LRP2: variants seen among roughly 807,000 people sequenced by gnomAD.
The protein encoded by LRP2 is low-density lipoprotein receptor-related protein 2.
A neutral mutation model predicts 531.0 loss-of-function variants in LRP2; 172 were observed. The ratio of observed to expected loss-of-function variants is 0.32; its 90% CI spans 0.29 to 0.37. LRP2 has a LOEUF of 0.37. Among genes scored for constraint, LRP2 ranks in the 10% least tolerant of loss-of-function variants. LRP2 has a pLI of 1.00. For missense variants in LRP2, 5,167 were observed against 5,868.3 expected, an observed-to-expected ratio of 0.88 and a Z score of 3.90; for synonymous variants, 1,992 against 2,027.6, an observed-to-expected ratio of 0.98 and a Z score of 0.47.
Position 169,271,090 on chromosome 2 carries a change from T to C in LRP2, c.2134A>G (p.Ile712Val). 2 of 1,612,574 alleles carry C rather than the reference T, an allele frequency of 1.2e-6. No individual in the cohort carries two copies. Among genetic ancestry groups the C allele is most frequent in the East Asian group, 2.2e-5 (1 of 44,790 alleles). ...CGAATAGCAACTTGGGATGAAAAAA[T>C]GAGGAAATTCTGAACAGCTGTAGGA... ...RHCIAVQNFLIFSSQVAIRGI... is the reference protein window; with the variant it reads ...RHCIAVQNFLVFSSQVAIRGI... Residue 712 changes from isoleucine to valine, a missense_variant, in exon 16 of 79, where the codon ATT (isoleucine) becomes GTT (valine). Physicochemically the swap from Ile to Val is conservative, Grantham distance 29. Coordinates refer to ENST00000649046, the MANE Select transcript of LRP2 (RefSeq NM_004525.3).
chr2:169,307,218 G>T, intron 4 of LRP2, 63 bp downstream of exon 4: 2 of 1,097,730 alleles, frequency 1.8e-6, no homozygotes, highest in South Asian at 1.2e-5. Context: ...CTAACAAATT[G>T]ATTAAAATGC....
intron 36 of LRP2, 76 bp from the exon 37 acceptor site, chr2:169,212,283 G>T: frequency 1.9e-6 from 3 of 1,573,298 alleles, no homozygotes; most frequent in Non-Finnish European, 2.6e-6. Flanking sequence ...CTTTAATTGG[G>T]TCACCAAATA....
intron 78 of LRP2, 44 bp from the exon 79 acceptor site, chr2:169,128,874 G>A: frequency 6.2e-7 from 1 of 1,607,782 alleles, no homozygotes; most frequent in Non-Finnish European, 8.5e-7. Flanking sequence ...ATTCCCCCAA[G>A]GTCACCATAC....
chr2:169,215,441 T>G (rs1300903175), intron 35 of LRP2, among the ~76,000 whole-genome samples: 1 of 152,164 alleles, frequency 6.6e-6, no homozygotes, highest in Admixed American at 6.5e-5. Flanking sequence ...TAGTTTCTGC[T>G]TCTTATTGTA....
intron 16 of LRP2, among the ~76,000 whole-genome samples, chr2:169,261,101 T>C (rs1384900944): frequency 6.6e-6 from 1 of 151,926 alleles, no homozygotes; most frequent in Non-Finnish European, 1.5e-5. Flanking sequence ...GATAGGAAAG[T>C]GCAAAACAAC....
At chr2:169,242,269 C>T (rs1689835135) in intron 24 of LRP2, among the ~76,000 whole-genome samples, 1 of 152,042 alleles carries the variant, frequency 6.6e-6, no homozygotes, top group East Asian at 1.9e-4. Flanking sequence ...CCATTTAAAA[C>T]AAAAAGTGGG....
At chr2:169,191,670 T>C (rs1327900979) in intron 48 of LRP2, among the ~76,000 whole-genome samples, 162 bp downstream of exon 48, 1 of 151,904 alleles carries the variant, frequency 6.6e-6, no homozygotes, top group East Asian at 1.9e-4. Flanking sequence ...ATGTAAAAGT[T>C]TTTTTTCCCT....
rs1366814828 is a variant in LRP2 at position 169,128,450 on chromosome 2, G to A, written c.*213C>T. 3.9e-6 allele frequency: 2 copies of A among 508,918 alleles called. No individual in the cohort carries two copies. The highest frequency in any genetic ancestry group is 7.0e-6 in the Non-Finnish European group (2 of 284,844). The allele number at this position is 508,918 out of a possible 1,614,324, so 31.5% of individuals were successfully genotyped here. A position where few individuals can be genotyped will look rare whatever the true frequency, so the allele number is the denominator to read the frequency against. On this transcript the variant is annotated 3_prime_UTR_variant, in exon 79 of 79. Coordinates refer to ENST00000649046, the MANE Select transcript of LRP2 (RefSeq NM_004525.3). ...AGTATTACCTTCAGACAACTTCAGTGCAAAGATATACATATAGTACATTGT... is the reference window on the plus strand; with the variant it reads ...AGTATTACCTTCAGACAACTTCAGTACAAAGATATACATATAGTACATTGT...
intron 57 of LRP2, among the ~76,000 whole-genome samples, chr2:169,172,466 T>C (rs1212167755): frequency 6.6e-6 from 1 of 152,240 alleles, no homozygotes; most frequent in East Asian, 1.9e-4. Context: ...CTTCAGTCAA[T>C]TGGACTCAGT....
intron 45 of LRP2, among the ~76,000 whole-genome samples, chr2:169,197,852 A>G (rs898507319): frequency 5.9e-5 from 9 of 152,164 alleles, no homozygotes; most frequent in Non-Finnish European, 1.3e-4. Flanking sequence ...CTGTACCCTA[A>G]TTTGGTGACA....
At chr2:169,189,027 G>A (rs939791363) in intron 48 of LRP2, among the ~76,000 whole-genome samples, 13 of 152,078 alleles carry the variant, frequency 8.5e-5, no homozygotes, top group Admixed American at 3.3e-4. Flanking sequence ...ACATACACAG[G>A]CATCATTATA....
intron 41 of LRP2, 142 bp downstream of exon 41, chr2:169,205,335 CAT>C: frequency 1.1e-6 from 1 of 870,250 alleles, no homozygotes; most frequent in South Asian, 1.5e-5. Context: ...CCAATATAAA[CAT>C]AGTTCCTAAA....
intron 3 of LRP2, among the ~76,000 whole-genome samples, chr2:169,307,829 T>A (rs2105493220): frequency 6.6e-6 from 1 of 152,358 alleles, no homozygotes; most frequent in Non-Finnish European, 1.5e-5. Context: ...ATTTTATTTT[T>A]TTCTATATAG....
intron 24 of LRP2, among the ~76,000 whole-genome samples, chr2:169,242,730 T>C (rs1175788999): frequency 6.6e-6 from 1 of 152,216 alleles, no homozygotes; most frequent in Non-Finnish European, 1.5e-5. Context: ...TTAGCCCATC[T>C]AAGAGACTAT....
intron 77 of LRP2, among the ~76,000 whole-genome samples, chr2:169,132,205 C>T (rs1464031975): frequency 6.6e-6 from 1 of 152,174 alleles, no homozygotes; most frequent in Non-Finnish European, 1.5e-5. Flanking sequence ...GAAATCACGG[C>T]ACACACAGAC....
intron 16 of LRP2, among the ~76,000 whole-genome samples, chr2:169,266,689 T>C (rs1172203236): frequency 2.6e-5 from 4 of 152,038 alleles, no homozygotes; most frequent in Non-Finnish European, 5.9e-5. Flanking sequence ...ACAAATTTTA[T>C]TACTATTACA....
At chr2:169,148,521 T>C (rs1163602989) in intron 68 of LRP2, among the ~76,000 whole-genome samples, 1 of 152,006 alleles carries the variant, frequency 6.6e-6, no homozygotes, top group Non-Finnish European at 1.5e-5. Context: ...GGTGTGCAAG[T>C]AGAAGGCTGA....
chr2:169,351,816 C>A (rs1168285120), intron 1 of LRP2, among the ~76,000 whole-genome samples: 1 of 152,136 alleles, frequency 6.6e-6, no homozygotes, highest in Non-Finnish European at 1.5e-5. Flanking sequence ...TGGATTTAAC[C>A]AGGATCAGGG....
chr2:169,345,754 CAA>C (rs72365288), intron 1 of LRP2, among the ~76,000 whole-genome samples: 9,763 of 111,398 alleles, frequency 0.088, 957 homozygotes, highest in African/African-American at 0.26. Flanking sequence ...AGGGGGCGGT[CAA>C]AAAAAAAAAA....
Sources: gnomAD v4.1 joint callset for allele counts (sites outside exome capture counted in the v4.1 genomes callset) on GRCh38, gnomAD v4.1.1 for gene constraint, MANE v1.5 for transcripts, NCBI Gene and HGNC (gene_info 2026-07-23, HGNC 2026-07-21) for gene names.